Variants in ACAA2 observed in about 807,000 individuals in gnomAD.
ACAA2 encodes 3-ketoacyl-CoA thiolase, mitochondrial.
A neutral mutation model predicts 44.8 loss-of-function variants in ACAA2; 35 were observed. The ratio of observed to expected loss-of-function variants is 0.78; its 90% CI spans 0.60 to 1.04. ACAA2 has a LOEUF of 1.04. Ranked by LOEUF, ACAA2 falls within the 50% of genes least tolerant of loss-of-function variation. ACAA2 has a pLI of 0.00. For missense variants in ACAA2, 468 were observed against 482.6 expected, an observed-to-expected ratio of 0.97 and a Z score of 0.28; for synonymous variants, 142 against 166.5, an observed-to-expected ratio of 0.85 and a Z score of 1.13.
chr18:49,800,067 C>G (rs2023521665), intron 2 of ACAA2, among the ~76,000 whole-genome samples: 1 of 151,544 alleles, frequency 6.6e-6, no homozygotes, highest in Non-Finnish European at 1.5e-5. Context: ...GGCAACCACG[C>G]CATCCGGGAG....
intron 7 of ACAA2, among the ~76,000 whole-genome samples, chr18:49,789,016 T>G (rs2023366721): frequency 6.6e-6 from 1 of 152,190 alleles, no homozygotes; most frequent in African/African-American, 2.4e-5. Context: ...TTTTTGCATA[T>G]GATGCCAAGT....
chr18:49,791,308 G>C (rs991734201), intron 7 of ACAA2, among the ~76,000 whole-genome samples, 162 bp downstream of exon 7: 1 of 152,088 alleles, frequency 6.6e-6, no homozygotes, highest in African/African-American at 2.4e-5. Flanking sequence ...TTTCTATTGT[G>C]TCTAGGACAG....
chr18:49,802,328 C>G (rs2023561692), intron 2 of ACAA2, among the ~76,000 whole-genome samples: 1 of 152,062 alleles, frequency 6.6e-6, no homozygotes, highest in Non-Finnish European at 1.5e-5. Context: ...CTTTGGGGGG[C>G]CGAGACAGGA....
At chr18:49,786,624 T>A (rs769891201) in intron 8 of ACAA2, 20 of 152,220 alleles carry the variant, frequency 1.3e-4, no homozygotes, top group Non-Finnish European at 2.5e-4. Context: ...TATTTCCCAA[T>A]GCCAGGCATC....
intron 7 of ACAA2, among the ~76,000 whole-genome samples, chr18:49,788,432 G>T (rs1427726868): frequency 6.6e-6 from 1 of 152,074 alleles, no homozygotes; most frequent in Non-Finnish European, 1.5e-5. Context: ...ATACTCTTTG[G>T]ACAACAAACC....
chr18:49,807,982 T>TAAAAAAAAA (rs571108352), intron 1 of ACAA2, among the ~76,000 whole-genome samples: 1 of 116,294 alleles, frequency 8.6e-6, no homozygotes. Context: ...GCTCAGCAAT[T>TAAAAAAAAA]AAAAAAAAAA....
Position 49,802,755 on chromosome 18 carries a change from C to G in ACAA2, c.115G>C (p.Ala39Pro), listed in dbSNP as rs764565126. 3.1e-6 allele frequency: 5 copies of G among 1,613,988 alleles called. No homozygotes were observed. The highest frequency in any genetic ancestry group is 1.1e-5 in the South Asian group (1 of 91,080). ...GAGACTTTGCCAGCAGACAAGGCAG[C>G]CTTGGCAGCAAATTCAGACAAGTCA... ...ATDLSEFAAK[A>P]ALSAGKVSPE... Residue 39 changes from alanine to proline, a missense_variant, in exon 2 of 10, where the codon GCT becomes CCT. Physicochemically the swap from Ala to Pro is conservative, Grantham distance 27. Transcript: ENST00000285093.
intron 7 of ACAA2, among the ~76,000 whole-genome samples, chr18:49,790,991 A>G (rs1323058515): frequency 1.3e-5 from 2 of 152,124 alleles, no homozygotes; most frequent in Non-Finnish European, 2.9e-5. Context: ...CTAAGCCTCA[A>G]TTTTCTCATT....
intron 1 of ACAA2, 61 bp downstream of exon 1, chr18:49,813,408 G>A: frequency 3.4e-6 from 4 of 1,192,972 alleles, no homozygotes; most frequent in South Asian, 4.3e-5. Flanking sequence ...GGAAGCGGAG[G>A]CCTGGCCTGG....
intron 1 of ACAA2, among the ~76,000 whole-genome samples, chr18:49,807,927 A>T (rs959637363): frequency 3.9e-5 from 6 of 151,994 alleles, no homozygotes; most frequent in Non-Finnish European, 8.8e-5. Flanking sequence ...AAAAACACCT[A>T]ACTGATAAGG....
intron 9 of ACAA2, among the ~76,000 whole-genome samples, chr18:49,784,851 TAG>T (rs1445990398): frequency 1.3e-5 from 2 of 151,956 alleles, no homozygotes; most frequent in African/African-American, 4.8e-5. Flanking sequence ...TTTTCTAAAA[TAG>T]ATTTATTTTA....
chr18:49,785,561 C>A, intron 8 of ACAA2: 1 of 553,194 alleles, frequency 1.8e-6, no homozygotes, highest in Non-Finnish European at 3.2e-6. Context: ...CAAATGCATC[C>A]CTTAGAGGCA....
At chr18:49,811,986 A>G (rs1489042299) in intron 1 of ACAA2, among the ~76,000 whole-genome samples, 1 of 152,244 alleles carries the variant, frequency 6.6e-6, no homozygotes, top group East Asian at 1.9e-4. Flanking sequence ...AACCACTGAT[A>G]AAATATTAAA....
At position 49,796,015 on chromosome 18, in the gene ACAA2, ATGCTTTTAAAGTAAC is replaced by A. The variant is rs946508118; in HGVS notation, c.313-149_313-135del. 5.2e-6 allele frequency: 3 copies of A among 579,268 alleles called. No homozygotes were observed. In the African/African-American group the frequency reaches 5.8e-5, roughly 11 times the overall value. 35.9% of individuals were successfully genotyped at this position (579,268 alleles called of 1,614,324 possible). On this transcript the variant is annotated intron_variant, in intron 3 of 9. Coordinates refer to ENST00000285093, the MANE Select transcript of ACAA2 (RefSeq NM_006111.3). ...GTAGCTTACAGTGTCTCAAAAGGAAATGCTTTTAAAGTAACTGTAAAGCAAATGCTAAAGTATCCA... is the reference window on the plus strand; with the variant it reads ...GTAGCTTACAGTGTCTCAAAAGGAAATGTAAAGCAAATGCTAAAGTATCCA...
chr18:49,810,161 TAAA>T (rs761313147), intron 1 of ACAA2, among the ~76,000 whole-genome samples: 9 of 152,078 alleles, frequency 5.9e-5, no homozygotes, highest in Non-Finnish European at 1.0e-4. Flanking sequence ...GCAGAAATAA[TAAA>T]GAAGAAATTT....
intron 9 of ACAA2, among the ~76,000 whole-genome samples, chr18:49,784,730 G>C (rs2023307419): frequency 6.6e-6 from 1 of 152,050 alleles, no homozygotes; most frequent in Non-Finnish European, 1.5e-5. Context: ...CACCCAAAAG[G>C]TTCCTCCTGG....
intron 1 of ACAA2, among the ~76,000 whole-genome samples, chr18:49,803,622 C>G (rs1018219452): frequency 6.6e-6 from 1 of 152,208 alleles, no homozygotes; most frequent in African/African-American, 2.4e-5. Flanking sequence ...GGTTAGACAA[C>G]TTTCTTGTTC....
intron 1 of ACAA2, among the ~76,000 whole-genome samples, chr18:49,805,493 G>A (rs1457325595): frequency 1.3e-5 from 2 of 152,130 alleles, no homozygotes; most frequent in Non-Finnish European, 2.9e-5. Flanking sequence ...TCTGTACCAT[G>A]ATGCCTTCCT....
chr18:49,787,260 T>TTAAAA lies in ACAA2; in HGVS notation c.954+30_954+31insTTTTA, dbSNP rs765441320. On this transcript the variant is annotated intron_variant, in intron 8 of 9. Coordinates refer to ENST00000285093, the MANE Select transcript of ACAA2 (RefSeq NM_006111.3). Reference sequence around the variant, plus strand: ...AAAGTACATGGTTTATTCATGTTGTTAAAAAAAAAAAAAAAAAAAAAAACA... The same window carrying TTAAAA: ...AAAGTACATGGTTTATTCATGTTGTTTAAAAAAAAAAAAAAAAAAAAAAAAAAACA... 3.0e-5 allele frequency: 31 copies of TTAAAA among 1,028,146 alleles called. 1 individual carries two copies. In the South Asian group the frequency reaches 5.8e-4, roughly 19 times the overall value. 63.7% of individuals were successfully genotyped at this position (1,028,146 alleles called of 1,614,324 possible).
Sources: allele counts gnomAD v4.1 joint callset (sites outside exome capture counted in the v4.1 genomes callset), GRCh38; gene constraint gnomAD v4.1.1; transcripts MANE v1.5; gene names NCBI Gene and HGNC (gene_info 2026-07-23, HGNC 2026-07-21).